The following FRMD4B variants were observed in gnomAD, a reference collection of about 807,000 sequenced individuals.
The protein encoded by FRMD4B is FERM domain-containing protein 4B.
A neutral mutation model predicts 141.5 loss-of-function variants in FRMD4B; 74 were observed. That is an observed-to-expected ratio of 0.52 (90% CI 0.43 to 0.63). The LOEUF is 0.63. FRMD4B is among the 30% of genes least tolerant of loss of function. The pLI, the probability that FRMD4B is intolerant of heterozygous loss-of-function variation, is 0.00. For synonymous variants in FRMD4B, 506 were observed against 467.9 expected, an observed-to-expected ratio of 1.08 and a Z score of -1.05; for missense variants, 1,366 against 1,253.4, an observed-to-expected ratio of 1.09 and a Z score of -1.36.
At chr3:69,371,287 G>A (rs1433610192) in intron 1 of FRMD4B, among the ~76,000 whole-genome samples, 1 of 152,210 alleles carries the variant, frequency 6.6e-6, no homozygotes, top group Non-Finnish European at 1.5e-5. Context: ...GGTTGCTGGA[G>A]AAGCGTTAAA....
intron 11 of FRMD4B, chr3:69,200,516 A>T (rs2092955380): frequency 9.7e-7 from 1 of 1,034,732 alleles, no homozygotes; most frequent in Non-Finnish European, 1.2e-6. Flanking sequence ...TTCTGAACTG[A>T]GTTTCATAAG....
At chr3:69,460,792 CA>C (rs1017350383) in intron 1 of FRMD4B, among the ~76,000 whole-genome samples, 1 of 152,134 alleles carries the variant, frequency 6.6e-6, no homozygotes, top group Non-Finnish European at 1.5e-5. Flanking sequence ...GGCCTCCAAG[CA>C]TAAGGGTCAG....
At chr3:69,491,462 A>G (rs1372860051) in intron 1 of FRMD4B, among the ~76,000 whole-genome samples, 1 of 152,232 alleles carries the variant, frequency 6.6e-6, no homozygotes, top group Non-Finnish European at 1.5e-5. Flanking sequence ...CTTCTGGATA[A>G]AAGAGCTAGT....
intron 1 of FRMD4B, among the ~76,000 whole-genome samples, chr3:69,498,375 T>C (rs1706436578): frequency 1.3e-5 from 2 of 152,346 alleles, no homozygotes; most frequent in Non-Finnish European, 2.9e-5. Context: ...AATTATCTCC[T>C]GAATAACAAA....
intron 1 of FRMD4B, among the ~76,000 whole-genome samples, chr3:69,527,045 C>A (rs1700940393): frequency 6.6e-6 from 1 of 152,150 alleles, no homozygotes; most frequent in African/African-American, 2.4e-5. Flanking sequence ...TCAGAGATTC[C>A]CACATTCTGG....
At chr3:69,491,106 G>A (rs1361320331) in intron 1 of FRMD4B, among the ~76,000 whole-genome samples, 1 of 152,216 alleles carries the variant, frequency 6.6e-6, no homozygotes, top group Non-Finnish European at 1.5e-5. Context: ...AGGAAAGAGA[G>A]AAAAGCAACA....
At chr3:69,296,951 A>G (rs1025444035) in intron 4 of FRMD4B, among the ~76,000 whole-genome samples, 3 of 152,196 alleles carry the variant, frequency 2.0e-5, no homozygotes, top group African/African-American at 7.2e-5. Flanking sequence ...AACATTTTAA[A>G]CTTAGTTTCC....
At chr3:69,323,119 G>A (rs887020716) in intron 1 of FRMD4B, 7 of 283,510 alleles carry the variant, frequency 2.5e-5, no homozygotes, top group African/African-American at 1.6e-4. Flanking sequence ...TGAAATGAGG[G>A]AAGAGGGGAG....
intron 5 of FRMD4B, among the ~76,000 whole-genome samples, chr3:69,264,515 A>G (rs1043749384): frequency 1.3e-5 from 2 of 152,284 alleles, no homozygotes; most frequent in East Asian, 3.9e-4. Flanking sequence ...AAGGGATCCC[A>G]GGTTTTTGAA....
At chr3:69,264,204 T>C (rs2093546539) in intron 5 of FRMD4B, among the ~76,000 whole-genome samples, 1 of 152,196 alleles carries the variant, frequency 6.6e-6, no homozygotes, top group South Asian at 2.1e-4. Context: ...CATCTCCTAA[T>C]ACACTATACA....
chr3:69,266,745 T>C (rs778373582), intron 5 of FRMD4B, among the ~76,000 whole-genome samples: 1 of 152,218 alleles, frequency 6.6e-6, no homozygotes, highest in Non-Finnish European at 1.5e-5. Context: ...GCAATGACCA[T>C]AGTACTAACT....
intron 1 of FRMD4B, among the ~76,000 whole-genome samples, chr3:69,340,091 T>A (rs1233293900): frequency 6.6e-6 from 1 of 151,838 alleles, no homozygotes; most frequent in Non-Finnish European, 1.5e-5. Flanking sequence ...GCATGAGGGG[T>A]TGGGGAAAGT....
At chr3:69,410,341 G>A (rs887420414) in intron 2 of FRMD4B, among the ~76,000 whole-genome samples, 8 of 152,108 alleles carry the variant, frequency 5.3e-5, no homozygotes, top group African/African-American at 1.7e-4. Flanking sequence ...GAATGCAGGG[G>A]TAAGCGTGTG....
In FRMD4B at chr3:69,181,463, G is replaced by A. The variant is rs540964174; in HGVS notation, c.2287C>T (p.Arg763Trp). ...ACATTCTGTTTCTTTGACCTCCTCC[G>A]ACCCCTGGTGCGAGTGTCCAGGGTC... ...TQTLDTRTRGRRRSKKQNVST... is the reference protein window; with the variant it reads ...TQTLDTRTRGWRRSKKQNVST... The change falls in exon 21 of 23, where the codon CGG (arginine) becomes TGG (tryptophan). Residue 763 changes from arginine to tryptophan, a missense_variant. By Grantham distance (101) the Arg-to-Trp change is moderately radical. Coordinates refer to ENST00000398540, the MANE Select transcript of FRMD4B (RefSeq NM_015123.3). 1.1e-5 allele frequency: 17 copies of A among 1,613,772 alleles called. No individual in the cohort carries two copies. The highest frequency in any genetic ancestry group is 2.7e-5 in the African/African-American group (2 of 75,002).
At chr3:69,327,470 T>A (rs1448550695) in intron 1 of FRMD4B, among the ~76,000 whole-genome samples, 1 of 152,132 alleles carries the variant, frequency 6.6e-6, no homozygotes, top group Non-Finnish European at 1.5e-5. Context: ...TTAGCAAAAA[T>A]TAATTAGAAA....
chr3:69,193,620 A>T, intron 17 of FRMD4B, 28 bp downstream of exon 17: 1 of 2,736 alleles, frequency 3.7e-4, no homozygotes. Flanking sequence ...TAGGGGACTC[A>T]AAAAAAAAAA....
intron 1 of FRMD4B, among the ~76,000 whole-genome samples, chr3:69,378,399 AC>A (rs746038526): frequency 2.1e-4 from 32 of 152,212 alleles, no homozygotes; most frequent in Non-Finnish European, 3.1e-4. Flanking sequence ...CTATCAGGGC[AC>A]CTGGCAATGT....
upstream of FRMD4B, chr3:69,386,214 A>G (rs989136622): frequency 2.1e-6 from 1 of 475,438 alleles, no homozygotes. Flanking sequence ...ACAGAAGCCC[A>G]GTGTCCACCC....
At chr3:69,329,157 C>T (rs1287690423) in intron 1 of FRMD4B, among the ~76,000 whole-genome samples, 1 of 152,000 alleles carries the variant, frequency 6.6e-6, no homozygotes, top group Non-Finnish European at 1.5e-5. Context: ...TGAGAGACCA[C>T]GTGATAAAGA....
Sources: allele counts gnomAD v4.1 joint callset (sites outside exome capture counted in the v4.1 genomes callset), GRCh38; gene constraint gnomAD v4.1.1; transcripts MANE v1.5; gene names NCBI Gene and HGNC (gene_info 2026-07-23, HGNC 2026-07-21).